Variants in DSCAM observed in about 807,000 individuals in gnomAD.
The protein encoded by DSCAM is cell adhesion molecule DSCAM.
A neutral mutation model predicts 217.7 loss-of-function variants in DSCAM; 47 were observed. The observed-to-expected ratio is 0.22, with a 90% CI of 0.17 to 0.28. The LOEUF (loss-of-function observed/expected upper bound fraction) is 0.28, where lower values mean the gene tolerates loss of function less well. Ranked by LOEUF, DSCAM falls within the 10% of genes least tolerant of loss-of-function variation. The pLI, the probability that DSCAM is intolerant of heterozygous loss-of-function variation, is 1.00. For missense variants in DSCAM, 2,080 were observed against 2,618.3 expected (o/e 0.79, Z 4.49); for synonymous variants, 1,056 against 1,015.3 (o/e 1.04, Z -0.76).
At chr21:40,498,781 GTATATATATATATATA>G (rs1166919235) in intron 3 of DSCAM, among the ~76,000 whole-genome samples, 5 of 26,026 alleles carry the variant, frequency 1.9e-4, no homozygotes, top group African/African-American at 4.9e-4. Context: ...ATATGGGTGT[GTATATATATATATATA>G]TATATATATA....
Position 40,353,746 on chromosome 21 carries a change from G to A in DSCAM, c.656-3C>T, listed in dbSNP as rs533002214. ...GGATGGGGCTGAGTTCGCTGGGTCT[G>A]TAGAAGAAATAAAAACTCTTAGAGG... is the stretch of plus-strand genomic sequence containing the variant. On this transcript the variant is annotated splice_polypyrimidine_tract_variant and splice_region_variant and intron_variant, in intron 4 of 32. Transcript: ENST00000400454. 2.6e-6 allele frequency: 4 copies of A among 1,530,938 alleles called. No individual in the cohort carries two copies. Among genetic ancestry groups the A allele is most frequent in the Non-Finnish European group, 3.5e-6 (4 of 1,147,796 alleles). 94.8% of individuals were successfully genotyped at this position (1,530,938 alleles called of 1,614,324 possible). A position where few individuals can be genotyped will look rare whatever the true frequency, so the allele number is the denominator to read the frequency against.
chr21:40,222,934 G>C (rs1235261494), intron 11 of DSCAM, among the ~76,000 whole-genome samples: 1 of 152,170 alleles, frequency 6.6e-6, no homozygotes, highest in African/African-American at 2.4e-5. Context: ...AAGTCTAATG[G>C]AAGTTTCTTA....
intron 32 of DSCAM, among the ~76,000 whole-genome samples, chr21:40,041,389 C>G (rs1465856326): frequency 6.6e-6 from 1 of 152,136 alleles, no homozygotes; most frequent in Non-Finnish European, 1.5e-5. Flanking sequence ...GTTTTATTTG[C>G]CCTGTACAAT....
intron 3 of DSCAM, among the ~76,000 whole-genome samples, chr21:40,411,920 T>A (rs374560054): frequency 6.6e-6 from 1 of 152,146 alleles, no homozygotes; most frequent in Non-Finnish European, 1.5e-5. Flanking sequence ...ATAATTCCCA[T>A]GTGTTGTGGG....
In DSCAM at chr21:40,339,208, C is replaced by G. The variant is rs1274355070; in HGVS notation, c.1418G>C (p.Ser473Thr). ...GNVVSYLNIS[S>T]SQVRDGGVYR... ...GACTCCCCCGTCCCGGACCTGGGAGCTGGAGATGTTCAGGTAGCTGACCAC... is the reference window on the plus strand; with the variant it reads ...GACTCCCCCGTCCCGGACCTGGGAGGTGGAGATGTTCAGGTAGCTGACCAC... Residue 473 changes from serine (S) to threonine (T), a missense_variant, in exon 7 of 33, where the codon AGC becomes ACC. By Grantham distance (58) the Ser-to-Thr change is moderately conservative. Coordinates refer to ENST00000400454, the MANE Select transcript of DSCAM (RefSeq NM_001389.5). The G allele has an allele frequency of 1.9e-6, 3 of 1,614,064 alleles. No homozygotes were observed. The African/African-American group carries it at 4.0e-5, about 22-fold the overall frequency.
chr21:40,255,130 T>C (rs1444774297), intron 11 of DSCAM, among the ~76,000 whole-genome samples: 1 of 152,180 alleles, frequency 6.6e-6, no homozygotes, highest in African/African-American at 2.4e-5. Flanking sequence ...CTCCATTTTT[T>C]AAGTCTCCTA....
chr21:40,605,791 CTTTTTTTTTTTTT>C (rs755767800), intron 3 of DSCAM, among the ~76,000 whole-genome samples: 7 of 61,996 alleles, frequency 1.1e-4, no homozygotes, highest in South Asian at 7.4e-4. Context: ...AATGCACATT[CTTTTTTTTTTTTT>C]TTTTTTTTTT....
At chr21:40,622,517 C>T (rs1279370348) in intron 3 of DSCAM, among the ~76,000 whole-genome samples, 4 of 152,108 alleles carry the variant, frequency 2.6e-5, no homozygotes, top group Non-Finnish European at 5.9e-5. Context: ...TTCACTATTA[C>T]TGACAAATAA....
At chr21:40,031,114 A>T (rs80207859) in intron 32 of DSCAM, among the ~76,000 whole-genome samples, 1 of 152,016 alleles carries the variant, frequency 6.6e-6, no homozygotes, top group African/African-American at 2.4e-5. Flanking sequence ...GCCCCTTAAA[A>T]GGCTCACTGT....
chr21:40,588,365 G>C (rs544109085), intron 3 of DSCAM, among the ~76,000 whole-genome samples: 3 of 152,152 alleles, frequency 2.0e-5, no homozygotes, highest in African/African-American at 7.2e-5. Flanking sequence ...AATGTCACAT[G>C]GTTAATATCA....
Position 40,189,126 on chromosome 21 carries a change from C to T in DSCAM, c.2469G>A (p.Lys823=). Residue 823 remains lysine (K), a synonymous_variant, in exon 12 of 33, where the codon AAG becomes AAA. Coordinates refer to ENST00000400454, the MANE Select transcript of DSCAM (RefSeq NM_001389.5). ...TCTCAGGGTTAATGATTCGGTCCTC[C>T]TTCTCCCAGCGGACTATAATGGGCT... ...GEKPIIVRWE[K]EDRIINPEMA... The T allele has an allele frequency of 6.2e-7, 1 of 1,614,152 alleles. No homozygotes were observed. The highest frequency in any genetic ancestry group is 8.5e-7 in the Non-Finnish European group (1 of 1,180,030).
At chr21:40,441,522 A>C (rs919433699) in intron 3 of DSCAM, among the ~76,000 whole-genome samples, 1 of 152,246 alleles carries the variant, frequency 6.6e-6, no homozygotes, top group Non-Finnish European at 1.5e-5. Context: ...TTAACAAGGC[A>C]GATCCCTCAC....
At chr21:40,063,267 G>C (rs1369148010) in intron 27 of DSCAM, among the ~76,000 whole-genome samples, 1 of 151,972 alleles carries the variant, frequency 6.6e-6, no homozygotes, top group African/African-American at 2.4e-5. Context: ...CATGCTTTTT[G>C]TTATCAAAAT....
At chr21:40,087,094 C>A in intron 22 of DSCAM, 76 bp downstream of exon 22, 1 of 1,092,728 alleles carries the variant, frequency 9.2e-7, no homozygotes, top group Non-Finnish European at 1.4e-6. Context: ...ATTAGGAGAC[C>A]ACTAGACACA....
chr21:40,364,820 T>G (rs903502361), intron 4 of DSCAM, among the ~76,000 whole-genome samples: 7 of 148,642 alleles, frequency 4.7e-5, no homozygotes, highest in African/African-American at 1.7e-4. Context: ...ACATCTGTTC[T>G]CTTAGAGCTT....
intron 11 of DSCAM, among the ~76,000 whole-genome samples, chr21:40,246,221 G>A (rs911480849): frequency 1.3e-5 from 2 of 151,530 alleles, no homozygotes; most frequent in African/African-American, 4.9e-5. Flanking sequence ...CGTCCAGAAA[G>A]AAGCAGAAAA....
intron 30 of DSCAM, among the ~76,000 whole-genome samples, chr21:40,044,963 C>T (rs2088820945): frequency 6.6e-6 from 1 of 152,134 alleles, no homozygotes; most frequent in African/African-American, 2.4e-5. Context: ...GAAATAAGGT[C>T]ATCACAGATG....
chr21:40,170,254 A>G (rs1459361297), intron 15 of DSCAM, among the ~76,000 whole-genome samples: 2 of 152,046 alleles, frequency 1.3e-5, no homozygotes, highest in Non-Finnish European at 2.9e-5. Context: ...AGGCCTGGGG[A>G]CCTGTCCCTG....
intron 3 of DSCAM, among the ~76,000 whole-genome samples, chr21:40,629,802 A>G (rs2089663058): frequency 6.6e-6 from 1 of 152,218 alleles, no homozygotes; most frequent in Non-Finnish European, 1.5e-5. Context: ...CCATGAGAAA[A>G]GGAGACAAAT....
Sources: gnomAD v4.1 joint callset for allele counts (sites outside exome capture counted in the v4.1 genomes callset) on GRCh38, gnomAD v4.1.1 for gene constraint, MANE v1.5 for transcripts, NCBI Gene and HGNC (gene_info 2026-07-23, HGNC 2026-07-21) for gene names.